The following TNFRSF10C variants were observed in gnomAD, a reference collection of about 807,000 sequenced individuals.
TNFRSF10C encodes the protein tumor necrosis factor receptor superfamily member 10C.
A neutral mutation model predicts 16.7 loss-of-function variants in TNFRSF10C; 17 were observed. That is an observed-to-expected ratio of 1.02 (90% confidence interval 0.70 to 1.53). The LOEUF (loss-of-function observed/expected upper bound fraction) is 1.53. Among genes scored for constraint, TNFRSF10C ranks in the 40% most tolerant of loss-of-function variants. TNFRSF10C has a pLI of 0.00. For missense variants in TNFRSF10C, 237 were observed against 329.7 expected (o/e 0.72, Z 2.18); for synonymous variants, 73 against 119.7 (o/e 0.61, Z 2.55).
intron 2 of TNFRSF10C, among the ~76,000 whole-genome samples, chr8:23,113,381 A>G (rs528224937): frequency 1.3e-5 from 2 of 152,250 alleles, no homozygotes; most frequent in South Asian, 2.1e-4. Context: ...CCAGACCAAC[A>G]TCATGAAAAT....
intron 1 of TNFRSF10C, among the ~76,000 whole-genome samples, chr8:23,106,415 G>T (rs985217040): frequency 6.8e-6 from 1 of 147,500 alleles, no homozygotes; most frequent in African/African-American, 2.6e-5. Context: ...TCCTTTAGAT[G>T]CCCCCCCACC....
chr8:23,114,078 G>T (rs994151021), intron 2 of TNFRSF10C, among the ~76,000 whole-genome samples: 3 of 152,170 alleles, frequency 2.0e-5, no homozygotes, highest in African/African-American at 7.2e-5. Context: ...ATGGTGATTT[G>T]GGCTGATATT....
chr8:23,117,241 C>A lies in TNFRSF10C; in HGVS notation c.*210C>A. 2 of 734,142 alleles carry A rather than the reference C, an allele frequency of 2.7e-6. No homozygotes were observed. Among genetic ancestry groups the A allele is most frequent in the South Asian group, 1.9e-5 (1 of 53,032 alleles). 45.5% of individuals were successfully genotyped at this position (734,142 alleles called of 1,614,324 possible). A position where few individuals can be genotyped will look rare whatever the true frequency, so the allele number is the denominator to read the frequency against. ...GTCCCATCCCCACATCCCGTGCACC[C>A]CCCAGGACCCTGGTCTCATCAGTCC... On this transcript the variant is annotated 3_prime_UTR_variant, in exon 5 of 5. Coordinates refer to ENST00000356864, the MANE Select transcript of TNFRSF10C (RefSeq NM_003841.5).
intron 2 of TNFRSF10C, chr8:23,114,368 G>T: frequency 3.3e-6 from 1 of 302,442 alleles, no homozygotes; most frequent in Non-Finnish European, 6.3e-6. Context: ...AGATATTTTA[G>T]GTTAAAACTA....
chr8:23,111,888 A>C, intron 2 of TNFRSF10C, 63 bp downstream of exon 2: 1 of 1,460,600 alleles, frequency 6.8e-7, no homozygotes, highest in Middle Eastern at 2.0e-4. Context: ...GTATGTATTT[A>C]TGATGTACAC....
chr8:23,116,125 C>T (rs1813978767), intron 4 of TNFRSF10C, among the ~76,000 whole-genome samples: 1 of 152,148 alleles, frequency 6.6e-6, no homozygotes, highest in African/African-American at 2.4e-5. Flanking sequence ...AGGCCTGAGC[C>T]AATCCAGCCG....
rs551119605 is a variant in TNFRSF10C at position 23,104,659 on chromosome 8, A to C, written c.60+1478A>C. Among the ~76,000 whole-genome samples the C allele has an allele frequency of 6.4e-4, 98 of 152,370 alleles. No homozygotes were observed. In the Middle Eastern group the frequency reaches 0.01, roughly 16 times the overall value. On this transcript the variant is annotated intron_variant, in intron 1 of 4. Coordinates refer to ENST00000356864, the MANE Select transcript of TNFRSF10C (RefSeq NM_003841.5). Reference sequence around the variant, plus strand: ...AAACCACTGAACCCAGCTTACAGTCACACCTAGTCCACAAATGTGCCTGTG... The same window carrying C: ...AAACCACTGAACCCAGCTTACAGTCCCACCTAGTCCACAAATGTGCCTGTG...
rs6557616 is a variant in TNFRSF10C, at chr8:23,103,191, G to C, written c.60+10G>C. The C allele has an allele frequency of 0.8, 1,277,704 of 1,606,788 alleles. 509,329 individuals are homozygous for C. The highest frequency in any genetic ancestry group is 0.89 in the African/African-American group (66,802 of 74,944). On this transcript the variant is annotated intron_variant, in intron 1 of 4. Transcript: ENST00000356864. ...CGCGGTCCTGCTGCCAGTGAGTCCCGGCCGCGGTCCCTGGCTGGGGAAGAG... is the reference window on the plus strand; with the variant it reads ...CGCGGTCCTGCTGCCAGTGAGTCCCCGCCGCGGTCCCTGGCTGGGGAAGAG...
At chr8:23,115,721 A>G (rs1001757441) in intron 4 of TNFRSF10C, 105 bp downstream of exon 4, 92 of 857,544 alleles carry the variant, frequency 1.1e-4, no homozygotes, top group African/African-American at 1.7e-4. Context: ...CTCCAGACCC[A>G]TGGGGTGTCC....
intron 1 of TNFRSF10C, among the ~76,000 whole-genome samples, chr8:23,106,420 C>A (rs1178259139): frequency 4.0e-5 from 6 of 149,676 alleles, no homozygotes; most frequent in East Asian, 4.0e-4. Context: ...TAGATGCCCC[C>A]CCACCCGATT....
rs770068358 is a variant in TNFRSF10C at position 23,103,192 on chromosome 8, G to T, written c.60+11G>T. 4.4e-6 allele frequency: 7 copies of T among 1,606,582 alleles called. No individual in the cohort carries two copies. The South Asian group carries it at 7.8e-5, about 18-fold the overall frequency. On this transcript the variant is annotated intron_variant, in intron 1 of 4. Transcript: ENST00000356864. ...GCGGTCCTGCTGCCAGTGAGTCCCGGCCGCGGTCCCTGGCTGGGGAAGAGC... is the reference window on the plus strand; with the variant it reads ...GCGGTCCTGCTGCCAGTGAGTCCCGTCCGCGGTCCCTGGCTGGGGAAGAGC...
At chr8:23,116,335 G>A (rs763155955) in intron 4 of TNFRSF10C, among the ~76,000 whole-genome samples, 2 of 152,222 alleles carry the variant, frequency 1.3e-5, no homozygotes, top group African/African-American at 2.4e-5. Context: ...ACAAGGGCTC[G>A]TGACCTTCCC....
intron 1 of TNFRSF10C, among the ~76,000 whole-genome samples, chr8:23,107,709 C>T (rs1281262991): frequency 6.6e-6 from 1 of 152,174 alleles, no homozygotes; most frequent in African/African-American, 2.4e-5. Flanking sequence ...ACAATCATAG[C>T]TTAAATGGTA....
At position 23,117,115 on chromosome 8, in the gene TNFRSF10C, T is replaced by G; in HGVS notation, c.*84T>G. 6.5e-7 allele frequency: 1 copy of G among 1,546,740 alleles called. No individual in the cohort carries two copies. The highest frequency in any genetic ancestry group is 8.7e-7 in the Non-Finnish European group (1 of 1,148,330). On this transcript the variant is annotated 3_prime_UTR_variant, in exon 5 of 5. Transcript: ENST00000356864. ...TGAGGGCGGGGGGCGCTGGACACTC[T>G]CTGCCCTGCCTCCCTCTGCTGTGTT...
chr8:23,111,194 G>A (rs569947031), intron 1 of TNFRSF10C, among the ~76,000 whole-genome samples: 1 of 151,636 alleles, frequency 6.6e-6, no homozygotes, highest in East Asian at 1.9e-4. Flanking sequence ...ATACATAAGT[G>A]TTTTTCTTTT....
chr8:23,108,147 A>G (rs1459405322), intron 1 of TNFRSF10C, among the ~76,000 whole-genome samples: 1 of 152,164 alleles, frequency 6.6e-6, no homozygotes, highest in Non-Finnish European at 1.5e-5. Context: ...TTTATTAAAA[A>G]GCTTTAGAAC....
At chr8:23,108,674 A>T (rs1813822442) in intron 1 of TNFRSF10C, among the ~76,000 whole-genome samples, 5 of 152,276 alleles carry the variant, frequency 3.3e-5, no homozygotes, top group Admixed American at 3.3e-4. Context: ...AAATAGAATT[A>T]AAAAGAGATT....
intron 1 of TNFRSF10C, among the ~76,000 whole-genome samples, chr8:23,110,196 C>T (rs937586070): frequency 1.3e-4 from 19 of 151,488 alleles, no homozygotes; most frequent in African/African-American, 3.6e-4. Flanking sequence ...AGAAAGGAGA[C>T]GCAGACATCG....
chr8:23,109,167 T>C (rs1237964948), intron 1 of TNFRSF10C, among the ~76,000 whole-genome samples: 2 of 151,804 alleles, frequency 1.3e-5, no homozygotes, highest in Non-Finnish European at 2.9e-5. Context: ...GAAGGGTATG[T>C]AGTTCCTTTC....
Sources: allele counts gnomAD v4.1 joint callset (sites outside exome capture counted in the v4.1 genomes callset), GRCh38; gene constraint gnomAD v4.1.1; transcripts MANE v1.5; gene names NCBI Gene and HGNC (gene_info 2026-07-23, HGNC 2026-07-21).